Variants in PATL1 observed in about 807,000 individuals in gnomAD.
PATL1 encodes PAT1 homolog 1, processing body mRNA decay factor, also known as protein PAT1 homolog 1.
A neutral mutation model predicts 100.6 loss-of-function variants in PATL1; 32 were observed. The observed-to-expected ratio is 0.32, with a 90% CI of 0.24 to 0.43. The LOEUF (loss-of-function observed/expected upper bound fraction) is 0.43, where lower values mean the gene tolerates loss of function less well. Among genes scored for constraint, PATL1 ranks in the 20% least tolerant of loss-of-function variants. PATL1 has a pLI of 1.00. For missense variants in PATL1, 747 were observed against 949.9 expected, an observed-to-expected ratio of 0.79 and a Z score of 2.81; for synonymous variants, 332 against 330.0, an observed-to-expected ratio of 1.01 and a Z score of -0.07.
chr11:59,647,712 T>A (rs752028286), intron 15 of PATL1, 42 bp downstream of exon 15: 2 of 1,598,196 alleles, frequency 1.3e-6, no homozygotes, highest in Non-Finnish European at 1.7e-6. Context: ...TCTTATCACT[T>A]ATAAAGACTC....
intron 15 of PATL1, among the ~76,000 whole-genome samples, chr11:59,644,856 G>A (rs541591735): frequency 3.6e-5 from 5 of 140,722 alleles, no homozygotes; most frequent in African/African-American, 1.3e-4. Flanking sequence ...AGGAGCTCGA[G>A]ACAAGCCTGG....
At position 59,663,300 on chromosome 11, in the gene PATL1, G is replaced by A. The variant is rs546760637; in HGVS notation, c.127+3553C>T. ...GTAATAACCCCTGAAGCCTGTCTCA[G>A]GGAGTTTTGAATGAAAACAAAATAA... On this transcript the variant is annotated intron_variant, in intron 2 of 18. Transcript: ENST00000300146. Among the ~76,000 whole-genome samples the A allele has an allele frequency of 2.0e-5, 3 of 152,234 alleles. No homozygotes were observed. The South Asian group carries it at 6.2e-4, about 32-fold the overall frequency.
intron 16 of PATL1, among the ~76,000 whole-genome samples, chr11:59,641,332 T>C (rs1444729759): frequency 2.0e-5 from 3 of 151,138 alleles, no homozygotes; most frequent in Admixed American, 1.3e-4. Context: ...AAAAAGAAAA[T>C]ACAAATAGGG....
chr11:59,665,711 G>C (rs1178080613), intron 2 of PATL1, among the ~76,000 whole-genome samples: 2 of 152,070 alleles, frequency 1.3e-5, no homozygotes, highest in Non-Finnish European at 2.9e-5. Flanking sequence ...GCTTGAACTG[G>C]GGAGGCAGAA....
At chr11:59,639,012 T>C (rs1282333465) in intron 18 of PATL1, 36 bp downstream of exon 18, 18 of 1,602,934 alleles carry the variant, frequency 1.1e-5, no homozygotes, top group Non-Finnish European at 1.5e-5. Flanking sequence ...AGTCCCAACT[T>C]TAGTGAGATG....
Position 59,656,052 on chromosome 11 carries a change from TA to T in PATL1, c.724-8del, listed in dbSNP as rs750390194. 0.19 allele frequency: 147,433 copies of T among 762,428 alleles called. 257 individuals are homozygous for T. Among genetic ancestry groups the T allele is most frequent in the Admixed American group, 0.2 (3,684 of 18,338 alleles). The allele number at this position is 762,428 out of a possible 1,614,324, so 47.2% of individuals were successfully genotyped here. A position where few individuals can be genotyped will look rare whatever the true frequency, so the allele number is the denominator to read the frequency against. On this transcript the variant is annotated splice_polypyrimidine_tract_variant and splice_region_variant and intron_variant, in intron 6 of 18. Transcript: ENST00000300146. ...GACCCAGGAGGGAAGAGTTCTAAGG[TA>T]AAAAAAAAAAAAAAAAAAAGAATAT... is the stretch of plus-strand genomic sequence containing the variant.
intron 2 of PATL1, among the ~76,000 whole-genome samples, chr11:59,663,268 T>C (rs1861650131): frequency 6.6e-6 from 1 of 152,178 alleles, no homozygotes; most frequent in South Asian, 2.1e-4. Flanking sequence ...TCTATAAACT[T>C]ATACTTGTAA....
intron 16 of PATL1, among the ~76,000 whole-genome samples, chr11:59,641,601 A>G (rs1249558841): frequency 1.3e-5 from 2 of 151,796 alleles, no homozygotes; most frequent in Non-Finnish European, 2.9e-5. Flanking sequence ...AAAAATACAC[A>G]AATTAGTTGT....
chr11:59,653,096 A>ATT, intron 9 of PATL1, 78 bp from the exon 10 acceptor site: 28 of 1,129,050 alleles, frequency 2.5e-5, no homozygotes, highest in East Asian at 5.3e-5. Context: ...AAACCAGGCC[A>ATT]GTTTTTTTTT....
Position 59,642,997 on chromosome 11 carries a change from G to C in PATL1, c.1932C>G (p.Leu644=). The part of the protein sequence containing the change: ...PCLLSPFSLL[L]YHLPSVSITS... ...TGATACTCACTGATGGAAGATGATA[G>C]AGAAGGAGAGAGAAGGGACTCAGTA... Residue 644 remains leucine (L), a synonymous_variant, in exon 16 of 19, where the codon CTC becomes CTG. Transcript: ENST00000300146. 1.2e-6 allele frequency: 2 copies of C among 1,613,956 alleles called. No homozygotes were observed. Among genetic ancestry groups the C allele is most frequent in the Non-Finnish European group, 1.7e-6 (2 of 1,179,864 alleles).
intron 15 of PATL1, 41 bp from the exon 16 acceptor site, chr11:59,643,076 T>G (rs778458418): frequency 1.3e-6 from 2 of 1,591,916 alleles, no homozygotes; most frequent in Non-Finnish European, 1.7e-6. Flanking sequence ...TGGCACGTGT[T>G]ACTTCAGTTA....
At chr11:59,648,409 C>T (rs1240492919) in intron 14 of PATL1, among the ~76,000 whole-genome samples, 1 of 151,050 alleles carries the variant, frequency 6.6e-6, no homozygotes, top group Non-Finnish European at 1.5e-5. Context: ...GGTCTCTGAA[C>T]TCTTGACCTC....
intron 13 of PATL1, among the ~76,000 whole-genome samples, chr11:59,650,037 C>T (rs1393190955): frequency 1.3e-5 from 2 of 149,980 alleles, no homozygotes; most frequent in African/African-American, 2.5e-5. Flanking sequence ...AGGAGAATTA[C>T]TTGAACCCGG....
rs539658841 is a variant in PATL1 at position 59,656,567 on chromosome 11, G to C, written c.655C>G (p.Pro219Ala). ...GGAGCAGGATAACGAGGTGGCATTG[G>C]GGGCCGAACATGGACAGGCTTCGGA... ...LCPKPVHVRP[P>A]MPPRYPAPYG... Residue 219 changes from proline (P) to alanine (A), a missense_variant, in exon 6 of 19, where the codon CCA (proline) becomes GCA (alanine). By Grantham distance (27) the Pro-to-Ala change is conservative. Around this residue, in one of 4 missense-constraint regions of PATL1, gnomAD observed 127 missense variants for 116.0 expected, o/e 1.09. Transcript: ENST00000300146. The C allele has an allele frequency of 1.2e-6, 2 of 1,613,852 alleles. No individual in the cohort carries two copies. Among genetic ancestry groups the C allele is most frequent in the African/African-American group, 2.7e-5 (2 of 74,900 alleles).
chr11:59,667,076 C>T (rs1861701179), intron 1 of PATL1, 112 bp from the exon 2 acceptor site: 2 of 1,422,586 alleles, frequency 1.4e-6, no homozygotes, highest in South Asian at 1.5e-5. Flanking sequence ...TTCATTATGA[C>T]TTTTTGTAAA....
intron 1 of PATL1, 155 bp from the exon 2 acceptor site, chr11:59,667,119 T>C (rs1861701968): frequency 1.0e-6 from 1 of 975,504 alleles, no homozygotes; most frequent in African/African-American, 1.8e-5. Context: ...CCAATTTCCC[T>C]GACACTGGAA....
At chr11:59,662,041 AAC>A (rs1412175266) in intron 2 of PATL1, among the ~76,000 whole-genome samples, 2 of 152,348 alleles carry the variant, frequency 1.3e-5, no homozygotes, top group African/African-American at 4.8e-5. Context: ...AGATTACATT[AAC>A]AGTTAAAATT....
chr11:59,661,558 C>G (rs566444591), intron 2 of PATL1, among the ~76,000 whole-genome samples: 23 of 152,152 alleles, frequency 1.5e-4, no homozygotes, highest in Non-Finnish European at 3.1e-4. Context: ...TTAGTTACAT[C>G]CTTTATATGT....
Position 59,637,289 on chromosome 11 carries a change from C to G in PATL1, c.*1101G>C, listed in dbSNP as rs141611264. ...CCCTGCAATTATTCAAACCCAGGCC[C>G]CTGGCTGCCTGGGAACGGGACTTGG... On this transcript the variant is annotated 3_prime_UTR_variant, in exon 19 of 19. Coordinates refer to ENST00000300146, the MANE Select transcript of PATL1 (RefSeq NM_152716.3). The G allele has an allele frequency of 6.6e-6, 1 of 152,486 alleles. No homozygotes were observed. Among genetic ancestry groups the G allele is most frequent in the East Asian group, 1.9e-4 (1 of 5,182 alleles). 9.4% of individuals were successfully genotyped at this position (152,486 alleles called of 1,614,324 possible).
Sources: gnomAD v4.1 joint callset for allele counts (sites outside exome capture counted in the v4.1 genomes callset) on GRCh38, gnomAD v4.1.1 for gene constraint, gnomAD v4.1.1 regional missense constraint, MANE v1.5 for transcripts, NCBI Gene and HGNC (gene_info 2026-07-23, HGNC 2026-07-21) for gene names.